The following LPIN1 variants were observed in gnomAD, a reference collection of about 807,000 sequenced individuals.
The protein encoded by LPIN1 is phosphatidate phosphatase LPIN1.
A neutral mutation model predicts 107.5 loss-of-function variants in LPIN1; 71 were observed. The ratio of observed to expected loss-of-function variants is 0.66; its 90% CI spans 0.55 to 0.80. LPIN1 has a LOEUF of 0.80. Among genes scored for constraint, LPIN1 ranks in the 30% least tolerant of loss-of-function variants. The pLI is 0.00. For missense variants in LPIN1, 1,043 were observed against 1,160.6 expected (o/e 0.90, Z 1.47); for synonymous variants, 445 against 452.6 (o/e 0.98, Z 0.21).
At chr2:11,769,940 C>T (rs1671580138) in intron 3 of LPIN1, among the ~76,000 whole-genome samples, 1 of 152,234 alleles carries the variant, frequency 6.6e-6, no homozygotes, top group Non-Finnish European at 1.5e-5. Context: ...AGCCTCCATC[C>T]TGCCCGCCCA....
intron 1 of LPIN1, among the ~76,000 whole-genome samples, chr2:11,703,244 T>A (rs1359387755): frequency 1.3e-5 from 2 of 152,184 alleles, no homozygotes; most frequent in East Asian, 1.9e-4. Flanking sequence ...CACTTACTTC[T>A]AACCCATGAG....
At chr2:11,687,335 G>T (rs1662060684) in intron 1 of LPIN1, among the ~76,000 whole-genome samples, 1 of 152,126 alleles carries the variant, frequency 6.6e-6, no homozygotes. Context: ...TGCTTCTTGA[G>T]ATCCTTCTAG....
At chr2:11,754,629 T>G (rs745810120) in intron 1 of LPIN1, among the ~76,000 whole-genome samples, 6 of 152,160 alleles carry the variant, frequency 3.9e-5, no homozygotes, top group Non-Finnish European at 7.3e-5. Context: ...CCACCTCCTA[T>G]GGGAGGTCAT....
intron 1 of LPIN1, among the ~76,000 whole-genome samples, chr2:11,760,289 G>A (rs554972318): frequency 1.3e-5 from 2 of 152,394 alleles, no homozygotes; most frequent in Non-Finnish European, 2.9e-5. Flanking sequence ...TGGCAGCCGG[G>A]CAGAGGCTGC....
At chr2:11,711,925 C>G (rs1257648611) in intron 1 of LPIN1, among the ~76,000 whole-genome samples, 1 of 152,210 alleles carries the variant, frequency 6.6e-6, no homozygotes, top group African/African-American at 2.4e-5. Context: ...TTTTCTGTAG[C>G]CAAGACTCCA....
intron 6 of LPIN1, among the ~76,000 whole-genome samples, chr2:11,778,688 A>G (rs1165423965): frequency 1.3e-5 from 2 of 152,236 alleles, no homozygotes; most frequent in East Asian, 1.9e-4. Flanking sequence ...GCAATAATTA[A>G]CCATGTTATT....
intron 1 of LPIN1, among the ~76,000 whole-genome samples, chr2:11,730,148 T>C (rs1279015759): frequency 2.6e-5 from 4 of 152,194 alleles, no homozygotes; most frequent in African/African-American, 9.7e-5. Flanking sequence ...AGATGCCCCA[T>C]TCCTGTTTGG....
intron 7 of LPIN1, among the ~76,000 whole-genome samples, chr2:11,781,375 C>A (rs1021387697): frequency 2.6e-5 from 4 of 152,216 alleles, no homozygotes; most frequent in African/African-American, 9.7e-5. Context: ...CTTCTTCTGG[C>A]AAAATAGTTG....
In LPIN1 at chr2:11,806,908, A is replaced by G. The variant is rs76271111; in HGVS notation, c.2249+1752A>G. On this transcript the variant is annotated intron_variant, in intron 17 of 20. Coordinates refer to ENST00000674199, the MANE Select transcript of LPIN1 (RefSeq NM_001349206.2). ...CACTCACATTATTTAATTATTCATCATATCTTTTTTGTTTCATTTTATGTA... is the reference window on the plus strand; with the variant it reads ...CACTCACATTATTTAATTATTCATCGTATCTTTTTTGTTTCATTTTATGTA... Among the ~76,000 whole-genome samples, 742 of 152,182 alleles carry G rather than the reference A, an allele frequency of 4.9e-3. 8 individuals are homozygous for G. Among genetic ancestry groups the G allele is most frequent in the African/African-American group, 0.017 (702 of 41,500 alleles).
intron 17 of LPIN1, among the ~76,000 whole-genome samples, chr2:11,813,815 GA>G (rs1680098575): frequency 6.6e-6 from 1 of 152,110 alleles, no homozygotes; most frequent in Admixed American, 6.5e-5. Flanking sequence ...TTGGGAGGCT[GA>G]GGCAGGAGAA....
At chr2:11,721,989 G>A (rs1664181008), upstream of LPIN1, 1 of 152,208 alleles carries the variant, frequency 6.6e-6, no homozygotes, top group Non-Finnish European at 1.5e-5. Flanking sequence ...GCTTAACACA[G>A]AATTATCCAA....
intron 13 of LPIN1, among the ~76,000 whole-genome samples, chr2:11,794,208 G>C (rs1221363670): frequency 6.6e-6 from 1 of 152,076 alleles, no homozygotes; most frequent in Non-Finnish European, 1.5e-5. Flanking sequence ...AGCATGAAGG[G>C]CCTCTCTGGT....
chr2:11,722,152 T>C (rs1052315939), upstream of LPIN1: 4 of 152,238 alleles, frequency 2.6e-5, no homozygotes, highest in Non-Finnish European at 4.4e-5. Flanking sequence ...CCCTTTCCAA[T>C]TGAGGGTGCA....
intron 17 of LPIN1, among the ~76,000 whole-genome samples, chr2:11,811,951 C>T (rs971032363): frequency 3.9e-5 from 6 of 152,046 alleles, no homozygotes; most frequent in African/African-American, 1.5e-4. Flanking sequence ...TGCCACTGCA[C>T]TCCAGCCTGG....
intron 1 of LPIN1, among the ~76,000 whole-genome samples, chr2:11,757,428 G>GTAAA (rs1159249273): frequency 6.6e-6 from 1 of 152,228 alleles, no homozygotes; most frequent in Non-Finnish European, 1.5e-5. Flanking sequence ...ACTTCTTCAG[G>GTAAA]TAAATTAGCT....
At chr2:11,791,506 C>T (rs1675718807) in intron 12 of LPIN1, among the ~76,000 whole-genome samples, 1 of 152,146 alleles carries the variant, frequency 6.6e-6, no homozygotes, top group South Asian at 2.1e-4. Context: ...ACTGTTTTAT[C>T]CTCTATCCCA....
chr2:11,762,579 A>AT (rs1670019691), intron 1 of LPIN1, among the ~76,000 whole-genome samples: 1 of 152,130 alleles, frequency 6.6e-6, no homozygotes, highest in Non-Finnish European at 1.5e-5. Flanking sequence ...CATGAATGAC[A>AT]GAAGACACTC....
At chr2:11,699,787 C>A (rs542745156) in intron 1 of LPIN1, among the ~76,000 whole-genome samples, 31 of 152,184 alleles carry the variant, frequency 2.0e-4, no homozygotes, top group Non-Finnish European at 3.5e-4. Context: ...CACAGGCAAG[C>A]AAAGTGATAT....
intron 11 of LPIN1, among the ~76,000 whole-genome samples, chr2:11,787,848 G>C (rs1674925126): frequency 6.6e-6 from 1 of 151,960 alleles, no homozygotes; most frequent in African/African-American, 2.4e-5. Context: ...GGATGAGGCA[G>C]GAGAATGGCG....
Sources: gnomAD v4.1 joint callset for allele counts (sites outside exome capture counted in the v4.1 genomes callset) on GRCh38, gnomAD v4.1.1 for gene constraint, MANE v1.5 for transcripts, NCBI Gene and HGNC (gene_info 2026-07-23, HGNC 2026-07-21) for gene names.